Variants in SLC9B1 observed in about 807,000 individuals in gnomAD.
SLC9B1 encodes the protein solute carrier family 9 member B1.
In SLC9B1, 32 loss-of-function variants were observed where a neutral mutation model predicts 51.7. That is an observed-to-expected ratio of 0.62 (90% confidence interval 0.47 to 0.83). The LOEUF (loss-of-function observed/expected upper bound fraction) is 0.83, where lower values mean the gene tolerates loss of function less well. Ranked by LOEUF, SLC9B1 falls within the 40% of genes least tolerant of loss-of-function variation. The probability of loss-of-function intolerance (pLI) is 0.00; values close to 1 mark genes in which losing one functional copy is unlikely to be tolerated. For missense variants in SLC9B1, 406 were observed against 613.2 expected (o/e 0.66, Z 3.57); for synonymous variants, 145 against 212.7 (o/e 0.68, Z 2.77).
At chr4:102,999,356 G>T (rs574916632) in intron 1 of SLC9B1, among the ~76,000 whole-genome samples, 3 of 152,098 alleles carry the variant, frequency 2.0e-5, no homozygotes. Context: ...CATCATAGCC[G>T]AGAAGTAAAC....
intron 1 of SLC9B1, among the ~76,000 whole-genome samples, chr4:103,004,726 G>A (rs1740693769): frequency 6.6e-6 from 1 of 152,160 alleles, no homozygotes; most frequent in Non-Finnish European, 1.5e-5. Context: ...ATTAGGCTAA[G>A]AGTGGACCTT....
chr4:102,950,409 A>G (rs1737488447), intron 3 of SLC9B1, among the ~76,000 whole-genome samples: 1 of 152,218 alleles, frequency 6.6e-6, no homozygotes, highest in South Asian at 2.1e-4. Context: ...AGGAATCCAT[A>G]GGTTTCTATA....
downstream of SLC9B1, among the ~76,000 whole-genome samples, chr4:102,900,692 C>G (rs1180979024): frequency 2.0e-5 from 3 of 152,000 alleles, no homozygotes; most frequent in Non-Finnish European, 4.4e-5. Flanking sequence ...TTGTGGTGAT[C>G]TTTTTAACTG....
intron 3 of SLC9B1, among the ~76,000 whole-genome samples, chr4:102,988,389 A>T (rs974491933): frequency 6.6e-6 from 1 of 152,132 alleles, no homozygotes; most frequent in East Asian, 1.9e-4. Context: ...TAACTTGTAC[A>T]CATGTGGTAT....
At chr4:102,974,289 A>G (rs528886904) in intron 3 of SLC9B1, among the ~76,000 whole-genome samples, 61 of 150,042 alleles carry the variant, frequency 4.1e-4, no homozygotes, top group Non-Finnish European at 7.2e-4. Context: ...TAAATAAAAT[A>G]AATTAAAGGA....
chr4:102,931,128 A>T (rs1736431123), intron 7 of SLC9B1, among the ~76,000 whole-genome samples: 1 of 151,766 alleles, frequency 6.6e-6, no homozygotes, highest in African/African-American at 2.4e-5. Context: ...TGGGAGGCTG[A>T]GGCAGGAGAA....
At chr4:102,936,805 T>C (rs1359767027) in intron 6 of SLC9B1, among the ~76,000 whole-genome samples, 1 of 152,134 alleles carries the variant, frequency 6.6e-6, no homozygotes, top group Non-Finnish European at 1.5e-5. Context: ...GGAGAAAGAA[T>C]AAGCAAGTTG....
intron 7 of SLC9B1, among the ~76,000 whole-genome samples, chr4:102,912,520 G>C (rs1384730749): frequency 4.6e-5 from 7 of 152,106 alleles, no homozygotes; most frequent in Non-Finnish European, 1.0e-4. Flanking sequence ...CACAAAAATA[G>C]TTCAGTTAAG....
At chr4:102,919,380 G>A (rs1449570250) in intron 7 of SLC9B1, among the ~76,000 whole-genome samples, 1 of 152,112 alleles carries the variant, frequency 6.6e-6, no homozygotes, top group African/African-American at 2.4e-5. Context: ...GAGCACTCAG[G>A]TCATAAACTG....
rs1361023040 is a variant in SLC9B1 at position 102,975,582 on chromosome 4, A to ATTTTTTTTTT, written c.211+14217_211+14218insAAAAAAAAAA. 3.3e-4 allele frequency among the ~76,000 whole-genome samples: 24 copies of ATTTTTTTTTT among 73,518 alleles called. 1 individual carries two copies. The highest frequency in any genetic ancestry group is 2.6e-3 in the South Asian group (6 of 2,352). 48.2% of individuals were successfully genotyped at this position (73,518 alleles called of 152,430 possible). On this transcript the variant is annotated intron_variant, in intron 3 of 11. Coordinates refer to ENST00000296422, the MANE Select transcript of SLC9B1 (RefSeq NM_139173.4). Reference sequence around the variant, plus strand: ...TATATATACATATATATATATATATATATATTTTTTTTTTTTTTTTTTTTT... The same window carrying ATTTTTTTTTT: ...TATATATACATATATATATATATATATTTTTTTTTTTATATTTTTTTTTTTTTTTTTTTTT...
At chr4:102,937,477 A>G (rs1362323674) in intron 6 of SLC9B1, among the ~76,000 whole-genome samples, 21 of 146,410 alleles carry the variant, frequency 1.4e-4, no homozygotes, top group African/African-American at 4.5e-4. Context: ...CTGTAATCCC[A>G]GCACTTTGGG....
chr4:103,001,630 A>AGTG (rs1740528416), intron 1 of SLC9B1, among the ~76,000 whole-genome samples: 1 of 152,118 alleles, frequency 6.6e-6, no homozygotes, highest in Non-Finnish European at 1.5e-5. Context: ...TGTCCATATC[A>AGTG]CCATCCAGCA....
At chr4:103,010,893 A>G (rs183412195) in intron 1 of SLC9B1, among the ~76,000 whole-genome samples, 3 of 152,314 alleles carry the variant, frequency 2.0e-5, no homozygotes, top group South Asian at 2.1e-4. Flanking sequence ...TTCAAACCAT[A>G]GCATTTTGCC....
chr4:102,964,808 C>A (rs1450189862), intron 3 of SLC9B1, among the ~76,000 whole-genome samples: 6 of 152,110 alleles, frequency 3.9e-5, no homozygotes. Context: ...ATGATCAAGG[C>A]ATCTACCAGA....
intron 1 of SLC9B1, among the ~76,000 whole-genome samples, chr4:102,993,498 C>T (rs1740057973): frequency 6.6e-6 from 1 of 152,234 alleles, no homozygotes; most frequent in Non-Finnish European, 1.5e-5. Context: ...CTCTCTGGTG[C>T]TTTCACAGGC....
At chr4:102,968,799 C>T (rs1350807267) in intron 3 of SLC9B1, among the ~76,000 whole-genome samples, 8 of 152,132 alleles carry the variant, frequency 5.3e-5, no homozygotes, top group African/African-American at 1.4e-4. Flanking sequence ...CCGTGACAGA[C>T]GGTACCTGGA....
chr4:102,926,743 A>C (rs1270435451), intron 7 of SLC9B1, among the ~76,000 whole-genome samples: 9 of 152,198 alleles, frequency 5.9e-5, no homozygotes, highest in Non-Finnish European at 1.3e-4. Flanking sequence ...ATTGGAAAAA[A>C]AACTGCTTTA....
intron 1 of SLC9B1, among the ~76,000 whole-genome samples, chr4:102,995,906 C>G (rs1740190381): frequency 6.6e-6 from 1 of 152,124 alleles, no homozygotes; most frequent in Non-Finnish European, 1.5e-5. Context: ...CCTCAATTCT[C>G]TCAACAACTC....
intron 1 of SLC9B1, among the ~76,000 whole-genome samples, chr4:102,999,302 T>G (rs1336963418): frequency 6.6e-6 from 1 of 152,268 alleles, no homozygotes; most frequent in Non-Finnish European, 1.5e-5. Context: ...AATGTTAATG[T>G]AGTCCAATTT....
Sources: gnomAD v4.1 joint callset for allele counts (sites outside exome capture counted in the v4.1 genomes callset) on GRCh38, gnomAD v4.1.1 for gene constraint, MANE v1.5 for transcripts, NCBI Gene and HGNC (gene_info 2026-07-23, HGNC 2026-07-21) for gene names.